The following SI variants were observed in gnomAD, a reference collection of about 807,000 sequenced individuals.
SI encodes sucrase-isomaltase, intestinal.
SI carries 235 observed loss-of-function variants against 253.3 expected under a neutral mutation model. The observed-to-expected ratio is 0.93, with a 90% CI of 0.83 to 1.03. The LOEUF (loss-of-function observed/expected upper bound fraction) is 1.03. Ranked by LOEUF, SI falls within the 50% of genes least tolerant of loss-of-function variation. The probability of loss-of-function intolerance (pLI) is 0.00; values close to 1 mark genes in which losing one functional copy is unlikely to be tolerated. For synonymous variants in SI, 819 were observed against 712.0 expected (o/e 1.15, Z -2.39); for missense variants, 2,442 against 2,211.1 (o/e 1.10, Z -2.09).
chr3:165,070,975 C>A (rs554873190), intron 3 of SI, among the ~76,000 whole-genome samples: 1 of 151,998 alleles, frequency 6.6e-6, no homozygotes, highest in Non-Finnish European at 1.5e-5. Flanking sequence ...GGCTTATAGG[C>A]GCCTTTTTCC....
Position 165,006,839 on chromosome 3 carries a change from C to A in SI, c.4383G>T (p.Trp1461Cys). ...LHYDVHNLYG[W>C]SQMKPTHDAL... is the part of the protein sequence containing the mutation. ...ACTCATGAGTAGGTTTCATCTGTGA[C>A]CATCCATAGAGATTGTGAACATCGT... is the stretch of plus-strand genomic sequence containing the variant. The change falls in exon 37 of 48, where the codon TGG becomes TGT. Residue 1461 changes from tryptophan to cysteine, a missense_variant. By Grantham distance (215) the Trp-to-Cys change is radical (BLOSUM62 -2). Transcript: ENST00000264382. 6.2e-7 allele frequency: 1 copy of A among 1,612,672 alleles called. No individual in the cohort carries two copies. Among genetic ancestry groups the A allele is most frequent in the Admixed American group, 1.7e-5 (1 of 59,998 alleles).
chr3:165,059,271 A>T lies in SI; in HGVS notation c.1175T>A (p.Met392Lys), dbSNP rs756770749. ...FDTQVTDIDY[M>K]EDKKDFTYDQ... ...ATAAGTAAAGTCTTTCTTGTCTTCCATGTAGTCAATATCAGTGACCTGTGT... is the reference window on the plus strand; with the variant it reads ...ATAAGTAAAGTCTTTCTTGTCTTCCTTGTAGTCAATATCAGTGACCTGTGT... The change falls in exon 11 of 48, where the codon ATG (methionine) becomes AAG (lysine). Residue 392 changes from methionine (M) to lysine (K), a missense_variant. Met to Lys is a moderately conservative substitution (Grantham distance 95). Transcript: ENST00000264382. 3 of 1,612,642 alleles carry T rather than the reference A, an allele frequency of 1.9e-6. No individual in the cohort carries two copies. Among genetic ancestry groups the T allele is most frequent in the Non-Finnish European group, 2.5e-6 (3 of 1,179,054 alleles).
At chr3:164,980,120 G>A (rs1717110893) in intron 47 of SI, among the ~76,000 whole-genome samples, 1 of 151,908 alleles carries the variant, frequency 6.6e-6, no homozygotes, top group East Asian at 1.9e-4. Context: ...CATCAAATAC[G>A]CAAGAGAAGG....
intron 16 of SI, among the ~76,000 whole-genome samples, chr3:165,045,175 T>C (rs574447004): frequency 1.0e-3 from 154 of 152,206 alleles, no homozygotes; most frequent in African/African-American, 3.5e-3. Context: ...TGTATTGTTT[T>C]CCATATGAAG....
intron 28 of SI, 106 bp downstream of exon 28, chr3:165,019,496 G>A: frequency 9.6e-7 from 1 of 1,038,144 alleles, no homozygotes; most frequent in South Asian, 1.3e-5. Context: ...TCTAGCTAAT[G>A]CCTTTGTCAT....
intron 27 of SI, 90 bp downstream of exon 27, chr3:165,021,139 C>G (rs1711588660): frequency 1.7e-6 from 2 of 1,162,042 alleles, no homozygotes; most frequent in Non-Finnish European, 2.6e-6. Context: ...TGATGCTACT[C>G]TAGGACAGTG....
intron 4 of SI, 47 bp downstream of exon 4, chr3:165,069,031 C>T (rs751392975): frequency 9.1e-6 from 12 of 1,313,412 alleles, no homozygotes; most frequent in Admixed American, 1.7e-5. Flanking sequence ...ATTTTCGCTC[C>T]AGTTAGAATA....
rs866571618 is a variant in SI at position 165,053,545 on chromosome 3, T to C, written c.1512+1649A>G. On this transcript the variant is annotated intron_variant, in intron 13 of 47. Coordinates refer to ENST00000264382, the MANE Select transcript of SI (RefSeq NM_001041.4). ...TAGTTCACTGATGTTCACTGATCTT[T>C]GAAATTATACTGCTTCTTGTGTTTT... is the stretch of plus-strand genomic sequence containing the variant. Among the ~76,000 whole-genome samples, 4 of 152,324 alleles carry C rather than the reference T, an allele frequency of 2.6e-5. No individual in the cohort carries two copies. The Middle Eastern group carries it at 0.014, about 518-fold the overall frequency.
At chr3:165,059,341 G>T (rs1328367159) in intron 10 of SI, 42 bp from the exon 11 acceptor site, 3 of 1,586,990 alleles carry the variant, frequency 1.9e-6, no homozygotes, top group Middle Eastern at 1.7e-4. Context: ...AGTACTGAAA[G>T]AGCTCTCTAA....
intron 3 of SI, 98 bp from the exon 4 acceptor site, chr3:165,069,293 C>A: frequency 1.1e-6 from 1 of 873,410 alleles, no homozygotes; most frequent in Non-Finnish European, 1.9e-6. Context: ...AATAATCTAA[C>A]TTTTTCAAAT....
chr3:165,062,253 C>A, intron 9 of SI, 118 bp downstream of exon 9: 1 of 642,578 alleles, frequency 1.6e-6, no homozygotes, highest in East Asian at 2.8e-5. Context: ...ATAAGATTTT[C>A]GAAAACATTT....
chr3:165,054,272 C>T (rs961188200), intron 13 of SI, among the ~76,000 whole-genome samples: 3 of 152,070 alleles, frequency 2.0e-5, no homozygotes, highest in South Asian at 4.1e-4. Flanking sequence ...TGTACTTTTT[C>T]CAAATTCTTG....
At chr3:164,982,904 G>A (rs1005156920) in intron 46 of SI, 98 bp downstream of exon 46, 5 of 1,171,142 alleles carry the variant, frequency 4.3e-6, no homozygotes, top group Non-Finnish European at 6.1e-6. Flanking sequence ...TCCCATGTCA[G>A]CCTCCCAATG....
chr3:165,039,430 T>C (rs1246278549), intron 19 of SI, among the ~76,000 whole-genome samples: 1 of 152,130 alleles, frequency 6.6e-6, no homozygotes. Context: ...AATATGTTTA[T>C]TTCTGTATAC....
chr3:165,030,735 G>A lies in SI; in HGVS notation c.2869C>T (p.Gln957Ter). The stretch of plus-strand genomic sequence containing the variant: ...ACCGTTCTCCATACACAGCCACGTT[G>A]TGTGCACTTTTGTTCAGTTGCCAAA... The part of the protein sequence containing the change: ...ADLATEQKCT[Q>*]RGCVWRTGSS... Residue 957 changes from glutamine to a stop codon, truncating the protein, a stop_gained, in exon 25 of 48, where the codon CAA (glutamine) becomes TAA (stop). Coordinates refer to ENST00000264382, the MANE Select transcript of SI (RefSeq NM_001041.4). LOFTEE classifies it high-confidence loss of function. 1 of 1,608,898 alleles carries A rather than the reference G, an allele frequency of 6.2e-7. No homozygotes were observed.
At position 164,998,419 on chromosome 3, in the gene SI, A is replaced by AT; in HGVS notation, c.4540+120dup. 5.9e-6 allele frequency: 6 copies of AT among 1,009,630 alleles called. No homozygotes were observed. The South Asian group carries it at 7.9e-5, about 13-fold the overall frequency. 62.5% of individuals were successfully genotyped at this position (1,009,630 alleles called of 1,614,324 possible). A position where few individuals can be genotyped will look rare whatever the true frequency, so the allele number is the denominator to read the frequency against. The stretch of plus-strand genomic sequence containing the variant: ...CTGTCTTTTTCTGATGCTATATGAC[A>AT]TAAAGTACGATGTGAAGAACAAAAT... On this transcript the variant is annotated intron_variant, in intron 38 of 47. Transcript: ENST00000264382.
intron 17 of SI, 34 bp downstream of exon 17, chr3:165,043,025 T>A (rs996402899): frequency 3.1e-6 from 4 of 1,287,884 alleles, no homozygotes; most frequent in East Asian, 2.3e-5. Context: ...TGGTTGTTTT[T>A]TATTTCGCAA....
chr3:164,995,180 C>T (rs1006694189), intron 40 of SI, among the ~76,000 whole-genome samples: 1 of 151,530 alleles, frequency 6.6e-6, no homozygotes, highest in Non-Finnish European at 1.5e-5. Flanking sequence ...TGTGTCATAT[C>T]GATGATGATT....
At chr3:164,996,370 T>G (rs1462015276) in intron 40 of SI, among the ~76,000 whole-genome samples, 165 bp downstream of exon 40, 1 of 151,734 alleles carries the variant, frequency 6.6e-6, no homozygotes, top group Non-Finnish European at 1.5e-5. Flanking sequence ...TTTAGTAATG[T>G]CTCCCCAGAT....
Sources: gnomAD v4.1 joint callset for allele counts (sites outside exome capture counted in the v4.1 genomes callset) on GRCh38, gnomAD v4.1.1 for gene constraint, MANE v1.5 for transcripts, NCBI Gene and HGNC (gene_info 2026-07-23, HGNC 2026-07-21) for gene names.